Variants in ABR observed in about 807,000 individuals in gnomAD.
The protein encoded by ABR is ABR activator of RhoGEF and GTPase.
In ABR, 35 loss-of-function variants were observed where a neutral mutation model predicts 107.2. That is an observed-to-expected ratio of 0.33 (90% CI 0.25 to 0.43). The LOEUF is 0.43. ABR is among the 20% of genes least tolerant of loss of function. The pLI, the probability that ABR is intolerant of heterozygous loss-of-function variation, is 1.00. For missense variants in ABR, 815 were observed against 1,115.2 expected (o/e 0.73, Z 3.83); for synonymous variants, 498 against 462.0 (o/e 1.08, Z -1.00).
intron 2 of ABR, among the ~76,000 whole-genome samples, chr17:1,116,875 G>T (rs2039013180): frequency 6.6e-6 from 1 of 152,172 alleles, no homozygotes. Context: ...GGGGAGAAAT[G>T]CAGGGGCCGG....
chr17:1,007,987 C>A lies in ABR; in HGVS notation c.2343-675G>T, dbSNP rs551149528. ...CAGATGAGCCCGGGGACTGTCCCCC[C>A]GTGCCTGTCCGGAAAGGTCGGCCTC... On this transcript the variant is annotated intron_variant, in intron 21 of 22. Transcript: ENST00000302538. Among the ~76,000 whole-genome samples the A allele has an allele frequency of 1.5e-4, 23 of 152,346 alleles. 1 individual carries two copies. The South Asian group carries it at 2.9e-3, about 19-fold the overall frequency.
At chr17:1,110,831 C>T (rs2038631284) in intron 2 of ABR, among the ~76,000 whole-genome samples, 1 of 152,240 alleles carries the variant, frequency 6.6e-6, no homozygotes, top group Non-Finnish European at 1.5e-5. Context: ...GGCACACCCC[C>T]ACCCCACCCA....
intron 16 of ABR, among the ~76,000 whole-genome samples, chr17:1,047,464 G>T (rs2376593): frequency 1.3e-5 from 2 of 151,822 alleles, no homozygotes; most frequent in Non-Finnish European, 2.9e-5. Context: ...GCCCGCCCCT[G>T]GGGCATGCCT....
At chr17:1,113,277 G>GGTTTTTTTTTTTTTTTT (rs1416563541) in intron 2 of ABR, among the ~76,000 whole-genome samples, 3 of 88,172 alleles carry the variant, frequency 3.4e-5, no homozygotes, top group Non-Finnish European at 4.3e-5. Context: ...CACCTATTGC[G>GGTTTTTTTTTTTTTTTT]ATTTTTTTTT....
At chr17:1,108,762 C>CCCCGA (rs2038434577) in intron 2 of ABR, among the ~76,000 whole-genome samples, 1 of 152,078 alleles carries the variant, frequency 6.6e-6, no homozygotes, top group African/African-American at 2.4e-5. Context: ...GGACACCGGT[C>CCCCGA]GGGGAGGCAG....
chr17:1,114,055 C>T (rs553778619), intron 2 of ABR, among the ~76,000 whole-genome samples: 67 of 151,484 alleles, frequency 4.4e-4, no homozygotes, highest in African/African-American at 1.5e-3. Flanking sequence ...CTTGTGGTCC[C>T]GGCTTCTTGG....
chr17:1,039,149 A>C (rs2073423589), intron 16 of ABR, among the ~76,000 whole-genome samples: 1 of 152,126 alleles, frequency 6.6e-6, no homozygotes, highest in Non-Finnish European at 1.5e-5. Flanking sequence ...GCCTGACTGC[A>C]TCGGCTCCTG....
chr17:1,116,655 T>G (rs2258236), intron 2 of ABR, among the ~76,000 whole-genome samples: 1 of 151,984 alleles, frequency 6.6e-6, no homozygotes, highest in African/African-American at 2.4e-5. Flanking sequence ...AAGGCACTAG[T>G]CTACCTACTT....
intron 1 of ABR, among the ~76,000 whole-genome samples, chr17:1,163,488 G>C (rs56327205): frequency 1.3e-5 from 2 of 151,210 alleles, no homozygotes; most frequent in Non-Finnish European, 2.9e-5. Context: ...CCAGACGCAG[G>C]GGCCCCAGAT....
chr17:1,125,500 G>A, intron 1 of ABR, 133 bp from the exon 2 acceptor site: 1 of 870,072 alleles, frequency 1.1e-6, no homozygotes. Context: ...GGCCCGGGCG[G>A]GGGCTGTGCG....
chr17:1,005,988 G>T lies in ABR; in HGVS notation c.*92C>A. ...CCCTCGAGTCTGGAGTGCTGGGTTT[G>T]GGAGTTTTCTATTGCAGTCTTTCAA... On this transcript the variant is annotated 3_prime_UTR_variant, in exon 23 of 23. Coordinates refer to ENST00000302538, the MANE Select transcript of ABR (RefSeq NM_021962.5). The T allele has an allele frequency of 3.4e-6, 4 of 1,190,948 alleles. No individual in the cohort carries two copies. The highest frequency in any genetic ancestry group is 3.7e-6 in the Non-Finnish European group (3 of 821,552). The allele number at this position is 1,190,948 out of a possible 1,614,324, so 73.8% of individuals were successfully genotyped here.
intron 1 of ABR, among the ~76,000 whole-genome samples, chr17:1,216,994 G>A (rs1300071785): frequency 2.0e-5 from 3 of 152,150 alleles, no homozygotes; most frequent in African/African-American, 4.8e-5. Flanking sequence ...GAGAGCCAGC[G>A]GATGCCAGCC....
intron 1 of ABR, among the ~76,000 whole-genome samples, chr17:1,208,694 C>G (rs1370708700): frequency 1.3e-5 from 2 of 152,118 alleles, no homozygotes; most frequent in Non-Finnish European, 2.9e-5. Flanking sequence ...CGAAACCATC[C>G]TGGCTAACAC....
rs1461559861 is a variant in ABR at position 1,070,062 on chromosome 17, A to T, written c.923T>A (p.Leu308Gln). Residue 308 changes from leucine (L) to glutamine (Q), a missense_variant, in exon 9 of 23, where the codon CTG becomes CAG. Leu to Gln is a moderately radical substitution (Grantham distance 113, BLOSUM62 -2). Around this residue, in one of 5 missense-constraint regions of ABR, gnomAD observed 385 missense variants for 596.9 expected, o/e 0.64. Coordinates refer to ENST00000302538, the MANE Select transcript of ABR (RefSeq NM_021962.5). This position sits in a 1 kb window ranked among gnomAD's most constrained non-coding sequence, Gnocchi z 4.2. ...CCGGGAGCTCTCTGACACTTCCACC[A>T]GGAAGCCGTCCTTCACCAGCTGTCG... ...ETRQLVKDGF[L>Q]VEVSESSRKL... The T allele has an allele frequency of 6.2e-7, 1 of 1,613,264 alleles. No homozygotes were observed. Among genetic ancestry groups the T allele is most frequent in the African/African-American group, 1.3e-5 (1 of 74,784 alleles).
rs1465176931 is a variant in ABR, at chr17:1,018,823, C to T, written c.1792-5659G>A. On this transcript the variant is annotated intron_variant, in intron 16 of 22. Coordinates refer to ENST00000302538, the MANE Select transcript of ABR (RefSeq NM_021962.5). ...ATGAATCCTCTACACACAGCATCTG[C>T]GTTCATGATCATGATAGCAGACATA... Among the ~76,000 whole-genome samples the T allele has an allele frequency of 2.6e-5, 4 of 152,206 alleles. No individual in the cohort carries two copies. The East Asian group carries it at 7.7e-4, about 29-fold the overall frequency.
Position 1,150,861 on chromosome 17 carries a change from C to T in ABR, c.62-25494G>A, listed in dbSNP as rs1477907162. Among the ~76,000 whole-genome samples the T allele has an allele frequency of 6.6e-6, 1 of 152,168 alleles. No homozygotes were observed. Among genetic ancestry groups the T allele is most frequent in the East Asian group, 1.9e-4 (1 of 5,188 alleles). The stretch of plus-strand genomic sequence containing the variant: ...GGCCCACGAGCCCATTCCTGAGCCT[C>T]CCTCCCTTGCTGAGCTACTGGTGCG... On this transcript the variant is annotated intron_variant, in intron 1 of 22. Coordinates refer to ENST00000302538, the MANE Select transcript of ABR (RefSeq NM_021962.5). The surrounding 1 kb of genome is among the most constrained non-coding windows in gnomAD (Gnocchi z 4.8).
In ABR at chr17:1,079,193, GCGCTCACACACGCTCA is replaced by G. The variant is rs1231207702; in HGVS notation, c.700+121_700+136del. 4.7e-6 allele frequency: 7 copies of G among 1,480,758 alleles called. No individual in the cohort carries two copies. In the African/African-American group the frequency reaches 8.4e-5, roughly 18 times the overall value. 91.7% of individuals were successfully genotyped at this position (1,480,758 alleles called of 1,614,324 possible). A position where few individuals can be genotyped will look rare whatever the true frequency, so the allele number is the denominator to read the frequency against. On this transcript the variant is annotated intron_variant, in intron 6 of 22. Transcript: ENST00000302538. ...ACGCGCACTCAGCTCACACTCACAC[GCGCTCACACACGCTCA>G]CGCTCACACGCGCTCACACACACGC...
rs377568754 is a variant in ABR at position 1,179,004 on chromosome 17, G to GT, written c.61+662dup. 0.034 allele frequency among the ~76,000 whole-genome samples: 4,974 copies of GT among 146,488 alleles called. 272 individuals are homozygous for GT. Among genetic ancestry groups the GT allele is most frequent in the African/African-American group, 0.12 (4,670 of 39,930 alleles). On this transcript the variant is annotated intron_variant, in intron 1 of 22. Coordinates refer to ENST00000302538, the MANE Select transcript of ABR (RefSeq NM_021962.5). The surrounding 1 kb of genome is among the most constrained non-coding windows in gnomAD (Gnocchi z 4.9). ...GGGGGTGGAGAACTCGAGAAGGTTTGTTTTTTTTTTCTTCTGAGGGTGGTG... is the reference window on the plus strand; with the variant it reads ...GGGGGTGGAGAACTCGAGAAGGTTTGTTTTTTTTTTTCTTCTGAGGGTGGTG...
rs1487546713 is a variant in ABR, at chr17:1,127,867, G to T, written c.62-2500C>A. Among the ~76,000 whole-genome samples the T allele has an allele frequency of 4.6e-5, 7 of 152,192 alleles. No homozygotes were observed. In the South Asian group the frequency reaches 1.2e-3, roughly 27 times the overall value. ...TCCTGATCAGAGCAGAGGACCACGG[G>T]CCCTGCCATCCCCTGCTCCTTCCAG... On this transcript the variant is annotated intron_variant, in intron 1 of 22. Coordinates refer to ENST00000302538, the MANE Select transcript of ABR (RefSeq NM_021962.5).
Sources: allele counts gnomAD v4.1 joint callset (sites outside exome capture counted in the v4.1 genomes callset), GRCh38; gene constraint gnomAD v4.1.1; regional missense constraint gnomAD v4.1.1; non-coding constraint Gnocchi (gnomAD v3.1); transcripts MANE v1.5; gene names NCBI Gene and HGNC (gene_info 2026-07-23, HGNC 2026-07-21).